The following XKR6 variants were observed in gnomAD, a reference collection of about 807,000 sequenced individuals.
XKR6 encodes the protein XK related 6.
Under a neutral mutation model 56.7 loss-of-function variants are expected in XKR6, and 22 were observed. The observed-to-expected ratio is 0.39, with a 90% confidence interval of 0.28 to 0.55. XKR6 has a LOEUF of 0.55. Ranked by LOEUF, XKR6 falls within the 20% of genes least tolerant of loss-of-function variation. The pLI is 0.66. For missense variants in XKR6, 852 were observed against 889.0 expected (o/e 0.96, Z 0.53); for synonymous variants, 524 against 387.8 (o/e 1.35, Z -4.13).
chr8:11,182,664 T>A (rs757469095), intron 1 of XKR6, among the ~76,000 whole-genome samples: 1 of 152,212 alleles, frequency 6.6e-6, no homozygotes, highest in Non-Finnish European at 1.5e-5. Flanking sequence ...CAAGTTGTAG[T>A]AGAGCTAGCA....
intron 1 of XKR6, among the ~76,000 whole-genome samples, chr8:10,951,306 G>T (rs138546175): frequency 0.17 from 25,331 of 147,354 alleles, 2,527 homozygotes; most frequent in Middle Eastern, 0.25. Context: ...TGTGGGGGGG[G>T]GGGGCCCCCA....
chr8:11,193,023 T>C (rs897502317), intron 1 of XKR6, among the ~76,000 whole-genome samples: 2 of 152,220 alleles, frequency 1.3e-5, no homozygotes, highest in African/African-American at 4.8e-5. Context: ...GGAAGCATCA[T>C]GGTGATATGA....
At chr8:11,023,456 G>T (rs1484374196) in intron 1 of XKR6, among the ~76,000 whole-genome samples, 1 of 152,186 alleles carries the variant, frequency 6.6e-6, no homozygotes, top group Non-Finnish European at 1.5e-5. Context: ...TAGAGATGGG[G>T]TCTGGCTGCA....
chr8:11,135,511 A>T, intron 1 of XKR6, among the ~76,000 whole-genome samples: 1 of 152,200 alleles, frequency 6.6e-6, no homozygotes, highest in Admixed American at 6.5e-5. Flanking sequence ...AAGAAAGATG[A>T]CTTTTACTAT....
chr8:11,034,186 G>T (rs1490385891), intron 1 of XKR6, among the ~76,000 whole-genome samples: 1 of 152,230 alleles, frequency 6.6e-6, no homozygotes, highest in Admixed American at 6.5e-5. Context: ...CAGACAAGGG[G>T]AAGAGAGAGA....
chr8:10,956,995 G>A (rs1801909534), intron 1 of XKR6, among the ~76,000 whole-genome samples: 1 of 152,096 alleles, frequency 6.6e-6, no homozygotes, highest in South Asian at 2.1e-4. Context: ...GTGTCACCCA[G>A]GCTTGAGTGC....
rs78325836 is a variant in XKR6, at chr8:10,987,456, T to C, written c.765-62626A>G. Among the ~76,000 whole-genome samples, 111 of 152,320 alleles carry C rather than the reference T, an allele frequency of 7.3e-4. 1 individual carries two copies. The highest frequency in any genetic ancestry group is 2.6e-3 in the African/African-American group (107 of 41,574). ...CACACACCCCATATCCAATGTATTA[T>C]CACATACTGTTGGCCACAAATATAT... is the stretch of plus-strand genomic sequence containing the variant. On this transcript the variant is annotated intron_variant, in intron 1 of 2. Transcript: ENST00000416569.
At chr8:11,021,675 G>A (rs1798752567) in intron 1 of XKR6, among the ~76,000 whole-genome samples, 1 of 152,102 alleles carries the variant, frequency 6.6e-6, no homozygotes, top group Non-Finnish European at 1.5e-5. Context: ...GCACATCAGA[G>A]ATCATGACTG....
chr8:11,188,708 C>G (rs1000082743), intron 1 of XKR6, among the ~76,000 whole-genome samples: 1 of 152,164 alleles, frequency 6.6e-6, no homozygotes, highest in Non-Finnish European at 1.5e-5. Flanking sequence ...TATGACCAAA[C>G]AAAATGACAG....
At chr8:11,075,299 G>A (rs568010427) in intron 1 of XKR6, among the ~76,000 whole-genome samples, 2 of 152,318 alleles carry the variant, frequency 1.3e-5, no homozygotes, top group African/African-American at 2.4e-5. Flanking sequence ...CCTGGACTTT[G>A]CTCACTCTGC....
chr8:11,201,465 C>A lies in XKR6; in HGVS notation c.-126G>T. ...GGGGGGCGGGGAGGAAGCGGGGGAG[C>A]AAACGAACGAGGGGGGAGTGGGCCA... is the stretch of plus-strand genomic sequence containing the variant. On this transcript the variant is annotated 5_prime_UTR_variant, in exon 1 of 3. Coordinates refer to ENST00000416569, the MANE Select transcript of XKR6 (RefSeq NM_173683.4). 2 of 495,408 alleles carry A rather than the reference C, an allele frequency of 4.0e-6. No homozygotes were observed. Among genetic ancestry groups the A allele is most frequent in the South Asian group, 2.1e-5 (1 of 47,104 alleles). 30.7% of individuals were successfully genotyped at this position (495,408 alleles called of 1,614,324 possible). A position where few individuals can be genotyped will look rare whatever the true frequency, so the allele number is the denominator to read the frequency against.
At chr8:11,114,749 G>C (rs184856846) in intron 1 of XKR6, among the ~76,000 whole-genome samples, 1 of 136,990 alleles carries the variant, frequency 7.3e-6, no homozygotes, top group South Asian at 2.3e-4. Context: ...GTGTGTGTGT[G>C]TGTGTGTGTG....
At chr8:11,172,662 G>A (rs1802438425) in intron 1 of XKR6, among the ~76,000 whole-genome samples, 2 of 152,156 alleles carry the variant, frequency 1.3e-5, no homozygotes, top group Admixed American at 1.3e-4. Flanking sequence ...AATGTAGAAA[G>A]GAGGGTTTTT....
At chr8:11,003,954 A>G (rs1397493576) in intron 1 of XKR6, among the ~76,000 whole-genome samples, 1 of 152,122 alleles carries the variant, frequency 6.6e-6, no homozygotes, top group Non-Finnish European at 1.5e-5. Context: ...AGGAGAGGAG[A>G]CAGCAGGTGC....
At chr8:10,942,245 C>T (rs936148013) in intron 1 of XKR6, among the ~76,000 whole-genome samples, 2 of 152,208 alleles carry the variant, frequency 1.3e-5, no homozygotes, top group African/African-American at 4.8e-5. Flanking sequence ...ACACAAAGTA[C>T]ATCCACCCAC....
intron 1 of XKR6, among the ~76,000 whole-genome samples, chr8:11,187,398 G>C (rs1338801695): frequency 6.6e-6 from 1 of 152,140 alleles, no homozygotes; most frequent in Non-Finnish European, 1.5e-5. Flanking sequence ...CTCAAAAGCT[G>C]CATCGTGACA....
intron 1 of XKR6, among the ~76,000 whole-genome samples, chr8:10,971,998 T>A (rs1802422211): frequency 1.3e-5 from 2 of 152,328 alleles, no homozygotes; most frequent in East Asian, 1.9e-4. Flanking sequence ...CCACCTCCGA[T>A]CAATCCCACT....
intron 1 of XKR6, among the ~76,000 whole-genome samples, chr8:11,143,247 T>G (rs564315767): frequency 1.6e-4 from 25 of 152,188 alleles, no homozygotes; most frequent in African/African-American, 6.0e-4. Context: ...AAACAAACAC[T>G]ACTCAAAACT....
intron 1 of XKR6, among the ~76,000 whole-genome samples, chr8:10,980,222 G>A (rs942469668): frequency 6.6e-6 from 1 of 152,174 alleles, no homozygotes; most frequent in South Asian, 2.1e-4. Context: ...AGGCAGGAAG[G>A]CCAGGTTCTG....
Sources: allele counts gnomAD v4.1 joint callset (sites outside exome capture counted in the v4.1 genomes callset), GRCh38; gene constraint gnomAD v4.1.1; transcripts MANE v1.5; gene names NCBI Gene and HGNC (gene_info 2026-07-23, HGNC 2026-07-21).